Variants in GBE1 observed in about 807,000 individuals in gnomAD.
GBE1 encodes 1,4-alpha-glucan branching enzyme 1.
GBE1 carries 70 observed loss-of-function variants against 88.8 expected under a neutral mutation model. The ratio of observed to expected loss-of-function variants is 0.79; its 90% CI spans 0.65 to 0.96. GBE1 has a LOEUF of 0.96. Ranked by LOEUF, GBE1 falls within the 40% of genes least tolerant of loss-of-function variation. GBE1 has a pLI of 0.00. For missense variants in GBE1, 872 were observed against 871.0 expected, an observed-to-expected ratio of 1.00 and a Z score of -0.01; for synonymous variants, 284 against 300.1, an observed-to-expected ratio of 0.95 and a Z score of 0.56.
Position 81,744,862 on chromosome 3 carries a change from CCA to C in GBE1, c.143+16511_143+16512del, listed in dbSNP as rs371967002. On this transcript the variant is annotated intron_variant, in intron 1 of 15. Coordinates refer to ENST00000429644, the MANE Select transcript of GBE1 (RefSeq NM_000158.4). ...CTTACATTATTTATTTCCACAAAAC[CCA>C]CAGACTTCCACATTCTTAAAGACTC... Among the ~76,000 whole-genome samples, 48 of 152,134 alleles carry C rather than the reference CCA, an allele frequency of 3.2e-4. No individual in the cohort carries two copies. In the East Asian group the frequency reaches 7.7e-3, roughly 24 times the overall value.
chr3:81,509,868 C>T (rs1421862707), intron 14 of GBE1, among the ~76,000 whole-genome samples: 3 of 151,790 alleles, frequency 2.0e-5, no homozygotes, highest in African/African-American at 4.8e-5. Flanking sequence ...ATTTCATATT[C>T]TTTATAAATT....
chr3:81,530,764 A>T (rs949507609), intron 14 of GBE1, among the ~76,000 whole-genome samples: 1 of 151,936 alleles, frequency 6.6e-6, no homozygotes, highest in Non-Finnish European at 1.5e-5. Flanking sequence ...GTGCTGGGTC[A>T]CACTTGAAGC....
chr3:81,502,965 T>C (rs1210014170), intron 14 of GBE1, among the ~76,000 whole-genome samples: 1 of 152,228 alleles, frequency 6.6e-6, no homozygotes, highest in Non-Finnish European at 1.5e-5. Flanking sequence ...CTGTTATCCA[T>C]AGCTACCTCC....
At chr3:81,738,529 T>C (rs1706305612) in intron 1 of GBE1, among the ~76,000 whole-genome samples, 1 of 151,796 alleles carries the variant, frequency 6.6e-6, no homozygotes, top group Non-Finnish European at 1.5e-5. Flanking sequence ...AATGTGTGTT[T>C]TTTTTTTAAA....
intron 15 of GBE1, among the ~76,000 whole-genome samples, chr3:81,493,026 G>T (rs1378616832): frequency 6.6e-6 from 1 of 152,026 alleles, no homozygotes; most frequent in Admixed American, 6.6e-5. Flanking sequence ...GTGAACCACC[G>T]CAGCTAGTCA....
At chr3:81,560,102 G>A (rs1190885404) in intron 12 of GBE1, among the ~76,000 whole-genome samples, 1 of 151,744 alleles carries the variant, frequency 6.6e-6, no homozygotes, top group East Asian at 1.9e-4. Flanking sequence ...AATGCACCAG[G>A]CTTATGAATG....
intron 3 of GBE1, among the ~76,000 whole-genome samples, chr3:81,652,662 A>G (rs1254060289): frequency 6.6e-6 from 1 of 152,170 alleles, no homozygotes; most frequent in Non-Finnish European, 1.5e-5. Context: ...TATTTTTGTT[A>G]TAGTAACTTA....
chr3:81,618,606 C>A (rs1016182168), intron 7 of GBE1, among the ~76,000 whole-genome samples: 1 of 152,124 alleles, frequency 6.6e-6, no homozygotes, highest in African/African-American at 2.4e-5. Flanking sequence ...AAATCAGGAA[C>A]TGTTTCCTCA....
intron 7 of GBE1, among the ~76,000 whole-genome samples, chr3:81,625,314 A>T (rs548692190): frequency 1.5e-4 from 23 of 152,268 alleles, no homozygotes; most frequent in African/African-American, 5.5e-4. Context: ...TGATCTTTTA[A>T]TATTTTACAC....
chr3:81,553,865 T>G (rs558459745), intron 12 of GBE1, among the ~76,000 whole-genome samples: 3 of 152,238 alleles, frequency 2.0e-5, no homozygotes, highest in East Asian at 3.9e-4. Context: ...TAATAGGAGA[T>G]GCAATTTCAA....
chr3:81,568,073 T>C (rs933559506), intron 12 of GBE1, among the ~76,000 whole-genome samples: 1 of 152,196 alleles, frequency 6.6e-6, no homozygotes, highest in Non-Finnish European at 1.5e-5. Flanking sequence ...AACCTCTCTT[T>C]AGAGAGTGTT....
At chr3:81,639,333 A>T (rs1704636063) in intron 7 of GBE1, among the ~76,000 whole-genome samples, 2 of 144,540 alleles carry the variant, frequency 1.4e-5, no homozygotes, top group South Asian at 4.2e-4. Flanking sequence ...TTTTATAATG[A>T]AAGGTGTATT....
In GBE1 at chr3:81,733,211, C is replaced by T. The variant is rs560256823; in HGVS notation, c.144-27598G>A. Among the ~76,000 whole-genome samples the T allele has an allele frequency of 1.6e-3, 245 of 152,034 alleles. No individual in the cohort carries two copies. Among genetic ancestry groups the T allele is most frequent in the African/African-American group, 5.6e-3 (234 of 41,478 alleles). On this transcript the variant is annotated intron_variant, in intron 1 of 15. Transcript: ENST00000429644. This position sits in a 1 kb window ranked among gnomAD's most constrained non-coding sequence, Gnocchi z 4.0. ...ACATAGAACCCTACTGTGAACTGCA[C>T]ATGCAAGGGATCTAAGTTGCGTGTT...
At position 81,531,360 on chromosome 3, in the gene GBE1, T is replaced by G. The variant is rs186492282; in HGVS notation, c.1934+3835A>C. On this transcript the variant is annotated intron_variant, in intron 14 of 15. Coordinates refer to ENST00000429644, the MANE Select transcript of GBE1 (RefSeq NM_000158.4). ...ATCCCCAAGTTGCAAGATAAAGCCC[T>G]TTTCACTCTTCCCTCTCCTTTCCTC... Among the ~76,000 whole-genome samples the G allele has an allele frequency of 3.7e-3, 567 of 151,722 alleles. 9 individuals carry two copies. Among genetic ancestry groups the G allele is most frequent in the Non-Finnish European group, 3.0e-3 (207 of 67,888 alleles).
intron 2 of GBE1, among the ~76,000 whole-genome samples, chr3:81,699,081 C>T (rs987890324): frequency 2.0e-5 from 3 of 152,094 alleles, no homozygotes; most frequent in South Asian, 2.1e-4. Flanking sequence ...CCTTGTAGTT[C>T]GCTATCACTT....
At chr3:81,642,063 GTTT>G (rs1704689700) in intron 7 of GBE1, among the ~76,000 whole-genome samples, 1 of 151,422 alleles carries the variant, frequency 6.6e-6, no homozygotes, top group Non-Finnish European at 1.5e-5. Flanking sequence ...CAAGTTCATG[GTTT>G]TTTAACTTGT....
At chr3:81,751,637 A>T (rs1416573225) in intron 1 of GBE1, among the ~76,000 whole-genome samples, 4 of 152,258 alleles carry the variant, frequency 2.6e-5, no homozygotes, top group African/African-American at 9.6e-5. Flanking sequence ...TGCTAAGGAT[A>T]ATATAGCAGA....
chr3:81,678,193 T>C (rs1047351728), intron 2 of GBE1, among the ~76,000 whole-genome samples: 2 of 152,210 alleles, frequency 1.3e-5, no homozygotes, highest in African/African-American at 4.8e-5. Flanking sequence ...GTATGACATG[T>C]TATTGTAATG....
intron 12 of GBE1, among the ~76,000 whole-genome samples, chr3:81,546,743 A>C (rs547226782): frequency 6.6e-6 from 1 of 151,576 alleles, no homozygotes; most frequent in South Asian, 2.1e-4. Context: ...ATAATCAAGA[A>C]AATAACCATA....
Sources: gnomAD v4.1 joint callset for allele counts (sites outside exome capture counted in the v4.1 genomes callset) on GRCh38, gnomAD v4.1.1 for gene constraint, Gnocchi (gnomAD v3.1) non-coding constraint, MANE v1.5 for transcripts, NCBI Gene and HGNC (gene_info 2026-07-23, HGNC 2026-07-21) for gene names.